The following LRTM3 variants were observed in gnomAD, a reference collection of about 807,000 sequenced individuals.
LRTM3 encodes the protein leucine-rich repeat transmembrane protein 3.
the LRTM3 span, chr13:102,729,810 T>G: frequency 1.9e-6 from 3 of 1,551,924 alleles, no homozygotes; most frequent in Non-Finnish European, 2.6e-6. Flanking sequence ...TGTGTACAAC[T>G]GTAATCGTGG....
the LRTM3 span, chr13:102,741,123 G>A: frequency 6.5e-7 from 1 of 1,549,598 alleles, no homozygotes; most frequent in Non-Finnish European, 8.7e-7. Context: ...ACAGATTCCA[G>A]AATATTCTCT....
At chr13:102,732,377 T>C in the LRTM3 span, 2 of 1,551,442 alleles carry the variant, frequency 1.3e-6, no homozygotes, top group Non-Finnish European at 1.7e-6. Flanking sequence ...ATTAAGCATC[T>C]GTGGAATTGG....
the LRTM3 span, chr13:102,736,054 C>T: frequency 1.9e-6 from 3 of 1,545,442 alleles, no homozygotes; most frequent in South Asian, 1.2e-5. Context: ...TGTCCTTTGC[C>T]TCTTTATATG....
chr13:102,742,010 C>A, the LRTM3 span: 1 of 1,550,494 alleles, frequency 6.4e-7, no homozygotes, highest in Non-Finnish European at 8.7e-7. Flanking sequence ...TGACAATGAC[C>A]TTTGCATTTC....
the LRTM3 span, among the ~76,000 whole-genome samples, chr13:102,752,636 T>G: frequency 6.6e-6 from 1 of 152,230 alleles, no homozygotes; most frequent in South Asian, 2.1e-4. Flanking sequence ...ATGTTAGTTT[T>G]CAAGTTCTCT....
chr13:102,737,701 T>C, the LRTM3 span: 1 of 1,550,758 alleles, frequency 6.4e-7, no homozygotes, highest in African/African-American at 1.4e-5. Context: ...GCATGTAATC[T>C]TTTGCTTTTT....
chr13:102,738,635 A>G, the LRTM3 span: 1 of 1,550,464 alleles, frequency 6.4e-7, no homozygotes, highest in Non-Finnish European at 8.7e-7. Context: ...ATTATCAGAA[A>G]TACACTTTTC....
At chr13:102,747,790 CA>C in the LRTM3 span, 13 of 1,551,142 alleles carry the variant, frequency 8.4e-6, no homozygotes, top group Middle Eastern at 5.0e-4. Flanking sequence ...GACTATTCTC[CA>C]AAATAGTTTG....
the LRTM3 span, chr13:102,740,936 C>T: frequency 6.5e-7 from 1 of 1,550,012 alleles, no homozygotes; most frequent in Non-Finnish European, 8.7e-7. Context: ...ATGTTCTTTT[C>T]TTCCTTTAAT....
At chr13:102,750,068 C>G in the LRTM3 span, 1 of 1,550,388 alleles carries the variant, frequency 6.4e-7, no homozygotes, top group East Asian at 2.4e-5. Context: ...AGAAGAAAAT[C>G]CTGAATTTTT....
chr13:102,738,604 C>CT, the LRTM3 span: 4 of 1,550,004 alleles, frequency 2.6e-6, no homozygotes, highest in Middle Eastern at 6.7e-4. Context: ...ATTCTAGGGC[C>CT]TTTTTTACAC....
chr13:102,741,302 G>T, the LRTM3 span: 1 of 1,549,896 alleles, frequency 6.5e-7, no homozygotes, highest in Non-Finnish European at 8.7e-7. Flanking sequence ...TGTATTCACT[G>T]CCTGTTTTAA....
At chr13:102,743,300 A>C in the LRTM3 span, 1 of 1,550,442 alleles carries the variant, frequency 6.4e-7, no homozygotes, top group Admixed American at 2.0e-5. Flanking sequence ...TGATATTCTC[A>C]TGTCTATCTC....
chr13:102,738,143 T>A, the LRTM3 span: 1 of 1,551,002 alleles, frequency 6.4e-7, no homozygotes, highest in East Asian at 2.4e-5. Flanking sequence ...CAATGGTAGG[T>A]CCTGTGAAAG....
chr13:102,743,699 T>G, the LRTM3 span: 2 of 1,549,674 alleles, frequency 1.3e-6, no homozygotes, highest in African/African-American at 1.4e-5. Context: ...GCACTTTCTG[T>G]TGGATACAGT....
At chr13:102,744,627 G>A in the LRTM3 span, 12 of 1,550,720 alleles carry the variant, frequency 7.7e-6, no homozygotes, top group Admixed American at 3.9e-5. Flanking sequence ...GGACTCTTCG[G>A]TTCAGATCCT....
the LRTM3 span, chr13:102,743,813 T>C: frequency 5.9e-5 from 92 of 1,550,328 alleles, no homozygotes; most frequent in Non-Finnish European, 7.2e-5. Flanking sequence ...AGTTAAACAT[T>C]TGGCATTGAA....
At chr13:102,732,876 C>T in the LRTM3 span, 1 of 1,551,390 alleles carries the variant, frequency 6.4e-7, no homozygotes, top group East Asian at 2.4e-5. Flanking sequence ...GTGTTTGCGT[C>T]TGTTTGATGT....
the LRTM3 span, chr13:102,731,024 A>C: frequency 1.9e-6 from 3 of 1,551,444 alleles, no homozygotes; most frequent in Non-Finnish European, 2.6e-6. Context: ...TTGTATCTCC[A>C]ATGTTTTCAC....
Sources: gnomAD v4.1 joint callset for allele counts (sites outside exome capture counted in the v4.1 genomes callset) on GRCh38, gnomAD v4.1.1 for gene constraint, MANE v1.5 for transcripts, NCBI Gene and HGNC (gene_info 2026-07-23, HGNC 2026-07-21) for gene names.